Variants in SLC2A9 observed in about 807,000 individuals in gnomAD.
SLC2A9 encodes the protein solute carrier family 2, facilitated glucose transporter member 9.
In SLC2A9, 39 loss-of-function variants were observed where a neutral mutation model predicts 50.6. The ratio of observed to expected loss-of-function variants is 0.77; its 90% CI spans 0.60 to 1.01. SLC2A9 has a LOEUF of 1.01. Ranked by LOEUF, SLC2A9 falls within the 50% of genes least tolerant of loss-of-function variation. The pLI is 0.00. For missense variants in SLC2A9, 686 were observed against 677.6 expected, an observed-to-expected ratio of 1.01 and a Z score of -0.14; for synonymous variants, 324 against 276.9, an observed-to-expected ratio of 1.17 and a Z score of -1.69.
intron 7 of SLC2A9, among the ~76,000 whole-genome samples, chr4:9,915,216 C>T (rs1261308624): frequency 6.6e-6 from 1 of 152,214 alleles, no homozygotes; most frequent in South Asian, 2.1e-4. Context: ...TTATGGAGCA[C>T]CACCTATGTG....
intron 11 of SLC2A9, among the ~76,000 whole-genome samples, chr4:9,833,958 C>G (rs979774013): frequency 1.3e-5 from 2 of 152,196 alleles, no homozygotes; most frequent in Non-Finnish European, 2.9e-5. Context: ...GCTTGCAAAG[C>G]CTTTTGTGTT....
At chr4:9,797,226 T>C (rs1205166050), downstream of SLC2A9, among the ~76,000 whole-genome samples, 1 of 152,176 alleles carries the variant, frequency 6.6e-6, no homozygotes, top group Non-Finnish European at 1.5e-5. Flanking sequence ...ACTTAACCTC[T>C]CCTGAACTAT....
chr4:10,022,545 A>G (rs542856539), upstream of SLC2A9, among the ~76,000 whole-genome samples: 157 of 152,326 alleles, frequency 1.0e-3, no homozygotes, highest in Non-Finnish European at 1.5e-3. Context: ...CCAGAGAAGC[A>G]CCTTCAATTT....
chr4:9,842,368 A>G (rs1728217667), intron 10 of SLC2A9, among the ~76,000 whole-genome samples: 2 of 152,230 alleles, frequency 1.3e-5, no homozygotes, highest in African/African-American at 4.8e-5. Flanking sequence ...TTGCCAAGAG[A>G]GTGCCTTCTT....
intron 5 of SLC2A9, among the ~76,000 whole-genome samples, chr4:9,951,863 T>A (rs4467565): frequency 0.065 from 9,881 of 152,346 alleles, 828 homozygotes; most frequent in East Asian, 0.46. Context: ...TTACAAAAGA[T>A]TCATTTAATG....
At chr4:9,855,599 G>A (rs757971030) in intron 10 of SLC2A9, among the ~76,000 whole-genome samples, 27 of 152,162 alleles carry the variant, frequency 1.8e-4, no homozygotes, top group Non-Finnish European at 3.4e-4. Flanking sequence ...ATCCTTCACA[G>A]AATTAGAAAA....
rs144450997 is a variant in SLC2A9 at position 9,809,231 on chromosome 4, A to C, written n.421-9990T>G. On this transcript the variant is annotated intron_variant and non_coding_transcript_variant, in intron 3 of 3. Coordinates refer to the SLC2A9 transcript ENST00000503280. ...AAGTGGACAGATAATCCCAGCCTGG[A>C]AGTTTCCTGGTGGGAGCAGAGTGTG... 1.6e-3 allele frequency among the ~76,000 whole-genome samples: 248 copies of C among 152,316 alleles called. 1 individual carries two copies. The highest frequency in any genetic ancestry group is 5.7e-3 in the African/African-American group (238 of 41,558).
chr4:9,958,190 A>G (rs1751630825), intron 5 of SLC2A9, among the ~76,000 whole-genome samples: 1 of 152,252 alleles, frequency 6.6e-6, no homozygotes, highest in Admixed American at 6.5e-5. Flanking sequence ...TCTACTGGGT[A>G]TAAGTATAGA....
In SLC2A9 at chr4:9,783,524, C is replaced by A. The variant is rs528816164; in HGVS notation, n.386-3459G>T. 3.4e-6 allele frequency: 5 copies of A among 1,457,558 alleles called. No individual in the cohort carries two copies. The South Asian group carries it at 5.3e-5, about 15-fold the overall frequency. 90.3% of individuals were successfully genotyped at this position (1,457,558 alleles called of 1,614,324 possible). On this transcript the variant is annotated intron_variant and non_coding_transcript_variant, in intron 3 of 3. Transcript: ENST00000503803. ...CCGCACAGACATTGACAAGCACGCA[C>A]ACACACGCAAATACATGCCTTTCCA...
At chr4:9,826,192 C>T, downstream of SLC2A9, 2 of 588,600 alleles carry the variant, frequency 3.4e-6, no homozygotes, top group Non-Finnish European at 5.9e-6. Flanking sequence ...TTGGGAGATT[C>T]AGTTGTGAAT....
At position 9,860,584 on chromosome 4, in the gene SLC2A9, T is replaced by C. The variant is rs116243766; in HGVS notation, c.1292-25576A>G. Among the ~76,000 whole-genome samples the C allele has an allele frequency of 6.8e-3, 1,032 of 152,350 alleles. 1 individual carries two copies. The highest frequency in any genetic ancestry group is 0.01 in the South Asian group (50 of 4,830). On this transcript the variant is annotated intron_variant, in intron 10 of 11. Coordinates refer to ENST00000264784, the MANE Select transcript of SLC2A9 (RefSeq NM_020041.3). ...ACTTTGAACTTGGCTTCAAGACTCATTCATTTCGTCCCTTTAGGAGTGACG... is the reference window on the plus strand; with the variant it reads ...ACTTTGAACTTGGCTTCAAGACTCACTCATTTCGTCCCTTTAGGAGTGACG...
chr4:10,004,990 A>G (rs79759386), intron 2 of SLC2A9, among the ~76,000 whole-genome samples: 5 of 152,172 alleles, frequency 3.3e-5, no homozygotes, highest in African/African-American at 1.2e-4. Context: ...CATTCAGCCA[A>G]CAGCCACGAG....
intron 3 of SLC2A9, among the ~76,000 whole-genome samples, chr4:9,989,066 A>G (rs189447185): frequency 1.3e-5 from 2 of 152,368 alleles, no homozygotes; most frequent in African/African-American, 2.4e-5. Context: ...GACTGGGCCT[A>G]TAAGCCAAGA....
intron 1 of SLC2A9, among the ~76,000 whole-genome samples, chr4:10,027,132 G>A (rs539683222): frequency 1.3e-5 from 2 of 152,252 alleles, no homozygotes; most frequent in South Asian, 2.1e-4. Flanking sequence ...TGGCAAATCC[G>A]TGGAGACAGA....
chr4:9,966,953 C>G (rs1487619560), intron 5 of SLC2A9, among the ~76,000 whole-genome samples: 2 of 152,210 alleles, frequency 1.3e-5, no homozygotes, highest in African/African-American at 4.8e-5. Context: ...TGTGCCCATG[C>G]TGCATTGTTT....
intron 6 of SLC2A9, among the ~76,000 whole-genome samples, chr4:9,929,700 A>G (rs1481359165): frequency 1.3e-5 from 2 of 152,168 alleles, no homozygotes; most frequent in Non-Finnish European, 2.9e-5. Flanking sequence ...GGAGCGGAGG[A>G]GCGAGAATTA....
intron 10 of SLC2A9, among the ~76,000 whole-genome samples, chr4:9,853,161 G>C: frequency 7.2e-6 from 1 of 139,088 alleles, no homozygotes. Flanking sequence ...GGGCAACAGA[G>C]TGAAACTCCC....
At chr4:9,897,604 C>T (rs1235535126) in intron 8 of SLC2A9, among the ~76,000 whole-genome samples, 1 of 152,018 alleles carries the variant, frequency 6.6e-6, no homozygotes, top group East Asian at 1.9e-4. Context: ...AGTGTGGACA[C>T]GGAGACAGAC....
chr4:9,845,427 C>A lies in SLC2A9; in HGVS notation c.1292-10419G>T, dbSNP rs900202702. Among the ~76,000 whole-genome samples, 7 of 108,674 alleles carry A rather than the reference C, an allele frequency of 6.4e-5. No homozygotes were observed. The Admixed American group carries it at 6.7e-4, about 10-fold the overall frequency. The allele number at this position is 108,674 out of a possible 152,430, so 71.3% of individuals were successfully genotyped here. ...CCAATGGAACCACGATCATCAATTT[C>A]TTTTTTTTTTTTTTTTTTTTGAGAC... On this transcript the variant is annotated intron_variant, in intron 10 of 11. Transcript: ENST00000264784.
Sources: gnomAD v4.1 joint callset for allele counts (sites outside exome capture counted in the v4.1 genomes callset) on GRCh38, gnomAD v4.1.1 for gene constraint, MANE v1.5 for transcripts, NCBI Gene and HGNC (gene_info 2026-07-23, HGNC 2026-07-21) for gene names.